Variants in MTUS2 observed in about 807,000 individuals in gnomAD.
MTUS2 encodes the protein microtubule associated scaffold protein 2.
MTUS2 carries 40 observed loss-of-function variants against 114.1 expected under a neutral mutation model. That is an observed-to-expected ratio of 0.35 (90% CI 0.27 to 0.46). The LOEUF is 0.46. MTUS2 is among the 20% of genes least tolerant of loss of function. MTUS2 has a pLI of 1.00. For missense variants in MTUS2, 1,679 were observed against 1,705.4 expected (o/e 0.98, Z 0.27); for synonymous variants, 688 against 672.0 (o/e 1.02, Z -0.37).
intron 5 of MTUS2, among the ~76,000 whole-genome samples, chr13:29,174,721 T>C (rs1348769422): frequency 6.6e-6 from 1 of 152,158 alleles, no homozygotes; most frequent in East Asian, 1.9e-4. Flanking sequence ...GACAAGAATT[T>C]CCCCTCTGCG....
intron 5 of MTUS2, among the ~76,000 whole-genome samples, chr13:29,193,776 T>G (rs571463863): frequency 3.0e-4 from 45 of 151,958 alleles, no homozygotes; most frequent in African/African-American, 1.0e-3. Context: ...AAAAGAGCCC[T>G]CATTGCCAAG....
intron 7 of MTUS2, among the ~76,000 whole-genome samples, chr13:29,350,960 C>CATTCATATATATATATATATATAT (rs1869190595): frequency 7.8e-6 from 1 of 128,576 alleles, no homozygotes; most frequent in Non-Finnish European, 1.7e-5. Context: ...ATATATATTT[C>CATTCATATATATATATATATATAT]ATATATATAT....
At chr13:29,389,788 T>G (rs1460561501) in intron 8 of MTUS2, among the ~76,000 whole-genome samples, 1 of 99,558 alleles carries the variant, frequency 1.0e-5, no homozygotes, top group African/African-American at 4.1e-5. Context: ...TATGTGTGTA[T>G]ATGTATATAC....
At chr13:29,409,797 CTT>C (rs201600159) in intron 8 of MTUS2, among the ~76,000 whole-genome samples, 31 of 141,994 alleles carry the variant, frequency 2.2e-4, no homozygotes, top group Admixed American at 4.2e-4. Context: ...CTTCATTCGT[CTT>C]TTTTTTTTTT....
chr13:28,955,246 A>G (rs1883005003), intron 2 of MTUS2, among the ~76,000 whole-genome samples: 2 of 152,216 alleles, frequency 1.3e-5, no homozygotes, highest in African/African-American at 2.4e-5. Flanking sequence ...GTTTTGCGTA[A>G]TGCAGCTTGC....
intron 4 of MTUS2, among the ~76,000 whole-genome samples, chr13:29,035,074 T>A (rs1033303484): frequency 6.6e-6 from 1 of 152,188 alleles, no homozygotes; most frequent in Admixed American, 6.5e-5. Flanking sequence ...CAAATTCTTC[T>A]GAGGCTGGCT....
At chr13:29,291,122 G>A (rs572249789) in intron 6 of MTUS2, among the ~76,000 whole-genome samples, 2 of 152,258 alleles carry the variant, frequency 1.3e-5, no homozygotes, top group East Asian at 1.9e-4. Context: ...GCCTCTTGTG[G>A]AACTGTCCAG....
chr13:29,070,551 A>C (rs1482144099), intron 4 of MTUS2, among the ~76,000 whole-genome samples: 2 of 151,924 alleles, frequency 1.3e-5, no homozygotes, highest in African/African-American at 2.4e-5. Context: ...AAAGCTTTAG[A>C]ATCTTCTCTC....
chr13:29,336,984 C>T (rs1024281372), intron 7 of MTUS2, among the ~76,000 whole-genome samples: 5 of 152,150 alleles, frequency 3.3e-5, no homozygotes, highest in African/African-American at 1.2e-4. Context: ...ATGGCAGATG[C>T]CCCTTCCCCC....
At chr13:29,096,479 A>G (rs1890184836) in intron 4 of MTUS2, among the ~76,000 whole-genome samples, 1 of 152,208 alleles carries the variant, frequency 6.6e-6, no homozygotes, top group South Asian at 2.1e-4. Context: ...TGACCCCTGG[A>G]TAGCTCTTTT....
intron 2 of MTUS2, among the ~76,000 whole-genome samples, chr13:28,891,372 A>G (rs867534791): frequency 1.3e-5 from 2 of 152,214 alleles, no homozygotes; most frequent in Non-Finnish European, 2.9e-5. Flanking sequence ...ACTTTTCACC[A>G]TCTACTCTTT....
At chr13:29,396,561 G>T (rs1442343643) in intron 8 of MTUS2, among the ~76,000 whole-genome samples, 5 of 152,188 alleles carry the variant, frequency 3.3e-5, no homozygotes, top group Admixed American at 6.5e-5. Flanking sequence ...CTACCATTCT[G>T]CCTGCGTGGT....
intron 5 of MTUS2, among the ~76,000 whole-genome samples, chr13:29,138,658 C>T (rs1892086882): frequency 6.6e-6 from 1 of 151,412 alleles, no homozygotes; most frequent in South Asian, 2.1e-4. Context: ...GATGGTTGTA[C>T]AACTCTGTAA....
At chr13:29,030,498 C>T (rs1371254144) in intron 3 of MTUS2, among the ~76,000 whole-genome samples, 4 of 152,126 alleles carry the variant, frequency 2.6e-5, no homozygotes, top group African/African-American at 9.7e-5. Flanking sequence ...CTTCTTTACT[C>T]AAAAGTGGGG....
chr13:29,244,007 T>A (rs1896821415), intron 5 of MTUS2, among the ~76,000 whole-genome samples: 1 of 152,168 alleles, frequency 6.6e-6, no homozygotes, highest in Non-Finnish European at 1.5e-5. Flanking sequence ...GGGGTGAACA[T>A]GAGTATGTTT....
intron 5 of MTUS2, among the ~76,000 whole-genome samples, chr13:29,151,912 T>C (rs1439132349): frequency 6.6e-6 from 1 of 152,212 alleles, no homozygotes; most frequent in African/African-American, 2.4e-5. Flanking sequence ...ACCTTTTTGA[T>C]GGGCTGCTGG....
intron 2 of MTUS2, among the ~76,000 whole-genome samples, chr13:29,018,920 C>G (rs970925532): frequency 3.3e-5 from 5 of 152,106 alleles, no homozygotes; most frequent in African/African-American, 1.2e-4. Context: ...GCAAGGAGAG[C>G]ATGTGATACT....
At chr13:29,080,820 G>A (rs749944600) in intron 4 of MTUS2, among the ~76,000 whole-genome samples, 4 of 152,096 alleles carry the variant, frequency 2.6e-5, no homozygotes, top group Non-Finnish European at 5.9e-5. Context: ...CTGCCTCCTG[G>A]GTTCAAGTGA....
At chr13:28,867,299 T>C (rs1286584152) in intron 2 of MTUS2, among the ~76,000 whole-genome samples, 1 of 152,240 alleles carries the variant, frequency 6.6e-6, no homozygotes, top group Admixed American at 6.5e-5. Flanking sequence ...GCTCTTTTTT[T>C]CTTCTCTGTT....
Sources: allele counts gnomAD v4.1 joint callset (sites outside exome capture counted in the v4.1 genomes callset), GRCh38; gene constraint gnomAD v4.1.1; transcripts MANE v1.5; gene names NCBI Gene and HGNC (gene_info 2026-07-23, HGNC 2026-07-21).